Variants in PRKG2 observed in about 807,000 individuals in gnomAD.
PRKG2 encodes the protein cGMP-dependent protein kinase 2.
PRKG2 carries 33 observed loss-of-function variants against 97.2 expected under a neutral mutation model. The ratio of observed to expected loss-of-function variants is 0.34; its 90% CI spans 0.26 to 0.45. The LOEUF (loss-of-function observed/expected upper bound fraction) is 0.45, where lower values mean the gene tolerates loss of function less well. Among genes scored for constraint, PRKG2 ranks in the 20% least tolerant of loss-of-function variants. The pLI is 1.00. For synonymous variants in PRKG2, 330 were observed against 321.8 expected (o/e 1.03, Z -0.27); for missense variants, 638 against 900.0 (o/e 0.71, Z 3.73).
At chr4:81,118,146 T>G (rs190012979) in intron 14 of PRKG2, among the ~76,000 whole-genome samples, 90 of 152,346 alleles carry the variant, frequency 5.9e-4, no homozygotes, top group Non-Finnish European at 1.1e-3. Context: ...CATTTTGTTT[T>G]TTCGCATCTT....
At chr4:81,126,005 C>A (rs1463298781) in intron 14 of PRKG2, among the ~76,000 whole-genome samples, 3 of 152,104 alleles carry the variant, frequency 2.0e-5, no homozygotes, top group Non-Finnish European at 4.4e-5. Flanking sequence ...TTAGGTATTT[C>A]TCCTAATGCT....
At chr4:81,140,309 T>C (rs1747147207) in intron 12 of PRKG2, among the ~76,000 whole-genome samples, 2 of 152,176 alleles carry the variant, frequency 1.3e-5, no homozygotes, top group African/African-American at 4.8e-5. Flanking sequence ...TATAAGTAGA[T>C]TGTTTGTAAC....
chr4:81,111,660 T>C (rs1351965675), intron 14 of PRKG2, among the ~76,000 whole-genome samples: 1 of 151,940 alleles, frequency 6.6e-6, no homozygotes, highest in Non-Finnish European at 1.5e-5. Context: ...AATAGACCTT[T>C]CCTCTTCTCT....
chr4:81,201,016 C>T (rs1753276277), intron 2 of PRKG2, among the ~76,000 whole-genome samples: 1 of 152,166 alleles, frequency 6.6e-6, no homozygotes, highest in South Asian at 2.1e-4. Flanking sequence ...CTCAATCTCA[C>T]AGGCATAGAC....
intron 10 of PRKG2, among the ~76,000 whole-genome samples, chr4:81,143,407 G>A (rs75124407): frequency 0.094 from 14,361 of 152,116 alleles, 2,271 homozygotes; most frequent in African/African-American, 0.33. Context: ...TCTTTCCCAC[G>A]TTTTGCTAGT....
chr4:81,205,276 T>G (rs1456876860), intron 1 of PRKG2, among the ~76,000 whole-genome samples: 1 of 152,158 alleles, frequency 6.6e-6, no homozygotes, highest in Non-Finnish European at 1.5e-5. Context: ...TTGGGTTCAT[T>G]CTTACCTGTC....
chr4:81,151,059 CT>C (rs1431090510), intron 8 of PRKG2, among the ~76,000 whole-genome samples: 1 of 152,016 alleles, frequency 6.6e-6, no homozygotes, highest in African/African-American at 2.4e-5. Flanking sequence ...TATCTGAACA[CT>C]TTTTCTTTGC....
intron 6 of PRKG2, among the ~76,000 whole-genome samples, chr4:81,155,499 C>T (rs1256740660): frequency 2.6e-5 from 4 of 152,114 alleles, no homozygotes; most frequent in Non-Finnish European, 5.9e-5. Flanking sequence ...AGTTGGAAAA[C>T]ACTCTGCAGG....
intron 14 of PRKG2, among the ~76,000 whole-genome samples, chr4:81,131,341 A>C (rs1168746402): frequency 6.7e-6 from 1 of 149,264 alleles, no homozygotes; most frequent in African/African-American, 2.6e-5. Context: ...TGGGTATCTC[A>C]GTTAGAAATG....
At chr4:81,154,516 C>T (rs28878261) in intron 6 of PRKG2, among the ~76,000 whole-genome samples, 44,314 of 134,366 alleles carry the variant, frequency 0.33, 12,019 homozygotes, top group African/African-American at 0.77. Context: ...CACACTGACA[C>T]CTCACACGGC....
At chr4:81,127,961 G>C (rs1745767506) in intron 14 of PRKG2, among the ~76,000 whole-genome samples, 1 of 152,178 alleles carries the variant, frequency 6.6e-6, no homozygotes. Flanking sequence ...GATATAGGCT[G>C]TGGGTTTGTC....
intron 6 of PRKG2, among the ~76,000 whole-genome samples, chr4:81,154,429 G>T (rs1263309362): frequency 6.6e-6 from 1 of 150,982 alleles, no homozygotes. Context: ...ATCTGAGAAC[G>T]GGCAGACTGC....
chr4:81,137,504 T>C lies in PRKG2; in HGVS notation c.1545-22A>G, dbSNP rs763372395. On this transcript the variant is annotated intron_variant, in intron 12 of 18. Transcript: ENST00000264399. Reference sequence around the variant, plus strand: ...TAATCTGTGAAGACAGATAAAAACATGGTTATTATTGGAAATCTAGTTTAA... The same window carrying C: ...TAATCTGTGAAGACAGATAAAAACACGGTTATTATTGGAAATCTAGTTTAA... 1.0e-5 allele frequency: 16 copies of C among 1,553,068 alleles called. No homozygotes were observed. In the South Asian group the frequency reaches 1.2e-4, roughly 12 times the overall value.
intron 2 of PRKG2, among the ~76,000 whole-genome samples, chr4:81,188,169 T>C (rs192482297): frequency 0.012 from 1,781 of 150,710 alleles, 42 homozygotes; most frequent in African/African-American, 0.042. Flanking sequence ...CTCAAACAAA[T>C]TTACAAGAAA....
At chr4:81,213,241 C>T (rs1754099231) in intron 1 of PRKG2, among the ~76,000 whole-genome samples, 1 of 152,022 alleles carries the variant, frequency 6.6e-6, no homozygotes, top group Non-Finnish European at 1.5e-5. Context: ...ACTTGAAGTA[C>T]CATTTGTAGA....
At chr4:81,172,052 A>T (rs187132342) in intron 3 of PRKG2, among the ~76,000 whole-genome samples, 3 of 151,580 alleles carry the variant, frequency 2.0e-5, no homozygotes, top group East Asian at 1.9e-4. Flanking sequence ...GGATAATAAT[A>T]ATTATTATTA....
intron 15 of PRKG2, among the ~76,000 whole-genome samples, chr4:81,106,289 G>C (rs765353948): frequency 6.6e-6 from 1 of 152,158 alleles, no homozygotes; most frequent in Non-Finnish European, 1.5e-5. Flanking sequence ...TAAAGAGAGG[G>C]AAGGAAGTGA....
intron 14 of PRKG2, among the ~76,000 whole-genome samples, chr4:81,124,014 T>C (rs1226707821): frequency 2.0e-5 from 3 of 152,198 alleles, no homozygotes; most frequent in Non-Finnish European, 4.4e-5. Context: ...TTTTTTAACA[T>C]GGTAACATGT....
At chr4:81,129,750 T>C (rs1646934024) in intron 14 of PRKG2, among the ~76,000 whole-genome samples, 1 of 152,198 alleles carries the variant, frequency 6.6e-6, no homozygotes, top group African/African-American at 2.4e-5. Context: ...ACGGTTCTCC[T>C]GAAAACAGCA....
Sources: gnomAD v4.1 joint callset for allele counts (sites outside exome capture counted in the v4.1 genomes callset) on GRCh38, gnomAD v4.1.1 for gene constraint, MANE v1.5 for transcripts, NCBI Gene and HGNC (gene_info 2026-07-23, HGNC 2026-07-21) for gene names.